Variants in CACNB4 observed in about 807,000 individuals in gnomAD.
CACNB4 encodes the protein voltage-dependent L-type calcium channel subunit beta-4.
Under a neutral mutation model 71.2 loss-of-function variants are expected in CACNB4, and 32 were observed. The observed-to-expected ratio is 0.45, with a 90% CI of 0.34 to 0.60. The LOEUF (loss-of-function observed/expected upper bound fraction) is 0.60, where lower values mean the gene tolerates loss of function less well. Among genes scored for constraint, CACNB4 ranks in the 20% least tolerant of loss-of-function variants. The pLI is 0.01. For missense variants in CACNB4, 464 were observed against 647.9 expected (o/e 0.72, Z 3.08); for synonymous variants, 231 against 236.9 (o/e 0.97, Z 0.23).
At chr2:151,993,503 G>A (rs1428336857) in intron 2 of CACNB4, among the ~76,000 whole-genome samples, 1 of 151,094 alleles carries the variant, frequency 6.6e-6, no homozygotes, top group African/African-American at 2.4e-5. Context: ...TAAGGAACCA[G>A]AAAAACAGGA....
chr2:151,933,159 G>T (rs1242498352), intron 2 of CACNB4, among the ~76,000 whole-genome samples: 2 of 147,402 alleles, frequency 1.4e-5, no homozygotes, highest in Non-Finnish European at 3.0e-5. Context: ...AGTAATTGTG[G>T]TTTTTGCCAT....
chr2:151,839,648 C>T (rs2099835659), intron 13 of CACNB4, among the ~76,000 whole-genome samples: 1 of 152,120 alleles, frequency 6.6e-6, no homozygotes, highest in Admixed American at 6.5e-5. Flanking sequence ...GAATTGAAAG[C>T]TAACTGTTAA....
intron 2 of CACNB4, among the ~76,000 whole-genome samples, chr2:151,923,539 A>G (rs1244957454): frequency 6.6e-6 from 1 of 152,228 alleles, no homozygotes; most frequent in Non-Finnish European, 1.5e-5. Context: ...AGGGAGCTGG[A>G]GGAAGCCTGG....
intron 2 of CACNB4, among the ~76,000 whole-genome samples, chr2:152,069,199 G>A (rs1350968136): frequency 1.3e-5 from 2 of 152,018 alleles, no homozygotes; most frequent in African/African-American, 4.8e-5. Context: ...ATCACTAATT[G>A]CTCCCAGCAC....
At chr2:151,987,800 C>T (rs1475419541) in intron 2 of CACNB4, among the ~76,000 whole-genome samples, 1 of 152,162 alleles carries the variant, frequency 6.6e-6, no homozygotes, top group Non-Finnish European at 1.5e-5. Flanking sequence ...ATCACAGTTT[C>T]GATGCGACCC....
chr2:151,870,405 T>C (rs2099844319), intron 8 of CACNB4, 126 bp downstream of exon 8: 8 of 774,468 alleles, frequency 1.0e-5, no homozygotes, highest in African/African-American at 1.7e-5. Flanking sequence ...ACCCCCTGCC[T>C]TCCCATGCTG....
At chr2:151,863,399 G>A (rs1328858301) in intron 9 of CACNB4, among the ~76,000 whole-genome samples, 1 of 152,092 alleles carries the variant, frequency 6.6e-6, no homozygotes, top group African/African-American at 2.4e-5. Flanking sequence ...TGGGTTTCTG[G>A]TTTATTTAAG....
intron 2 of CACNB4, among the ~76,000 whole-genome samples, chr2:151,989,269 A>C (rs1355364723): frequency 6.6e-6 from 1 of 152,174 alleles, no homozygotes; most frequent in Non-Finnish European, 1.5e-5. Flanking sequence ...TCCAGCTATC[A>C]ACTTACTTCT....
intron 12 of CACNB4, among the ~76,000 whole-genome samples, chr2:151,846,808 G>A (rs1421605822): frequency 6.6e-6 from 1 of 152,054 alleles, no homozygotes; most frequent in Non-Finnish European, 1.5e-5. Context: ...ACCTGCCTCA[G>A]CCTCCCAAAG....
At chr2:151,869,763 G>A (rs1362624090) in intron 8 of CACNB4, 1 of 172,624 alleles carries the variant, frequency 5.8e-6, no homozygotes, top group African/African-American at 2.4e-5. Flanking sequence ...GAAAGAGAGG[G>A]GGATAGAGCC....
chr2:152,045,542 T>A (rs577626868), intron 2 of CACNB4, among the ~76,000 whole-genome samples: 1 of 152,178 alleles, frequency 6.6e-6, no homozygotes, highest in Non-Finnish European at 1.5e-5. Context: ...ATTCTGCATC[T>A]AATGTACTTA....
At chr2:152,067,282 T>C (rs1157877432) in intron 2 of CACNB4, among the ~76,000 whole-genome samples, 1 of 152,142 alleles carries the variant, frequency 6.6e-6, no homozygotes, top group Admixed American at 6.5e-5. Context: ...CTGAGATATA[T>C]TTTATATGGC....
At chr2:152,017,844 T>A (rs1683431361) in intron 2 of CACNB4, among the ~76,000 whole-genome samples, 1 of 147,790 alleles carries the variant, frequency 6.8e-6, no homozygotes, top group Non-Finnish European at 1.5e-5. Flanking sequence ...AATTCTTTTC[T>A]TTTTTTTTTA....
At chr2:152,020,471 C>T (rs958769829) in intron 2 of CACNB4, among the ~76,000 whole-genome samples, 3 of 151,984 alleles carry the variant, frequency 2.0e-5, no homozygotes, top group Admixed American at 6.6e-5. Flanking sequence ...GTGAATTGGA[C>T]GTGAGGAAAT....
chr2:152,045,482 G>T (rs1685099494), intron 2 of CACNB4, among the ~76,000 whole-genome samples: 1 of 152,184 alleles, frequency 6.6e-6, no homozygotes, highest in African/African-American at 2.4e-5. Context: ...CAAATTTATG[G>T]AGACAGAAAG....
intron 10 of CACNB4, chr2:151,858,328 T>A (rs751153659): frequency 6.6e-5 from 10 of 152,230 alleles, no homozygotes; most frequent in Non-Finnish European, 1.3e-4. Context: ...ATTTCTCCCA[T>A]GCTTAAAACA....
intron 2 of CACNB4, chr2:151,883,823 C>T: frequency 4.4e-6 from 1 of 225,084 alleles, no homozygotes; most frequent in South Asian, 6.1e-5. Flanking sequence ...AAAGCATCAT[C>T]TTACATTAGT....
At chr2:151,982,355 C>T (rs970454468) in intron 2 of CACNB4, among the ~76,000 whole-genome samples, 14 of 152,066 alleles carry the variant, frequency 9.2e-5, no homozygotes, top group African/African-American at 2.9e-4. Context: ...GACTGCCAGC[C>T]GGGCACAGTG....
intron 2 of CACNB4, among the ~76,000 whole-genome samples, chr2:151,942,385 G>A (rs113055027): frequency 0.041 from 6,044 of 149,022 alleles, 1,183 homozygotes; most frequent in African/African-American, 0.15. Flanking sequence ...TGTTGTCTTC[G>A]TAAGCTGAGG....
Sources: allele counts gnomAD v4.1 joint callset (sites outside exome capture counted in the v4.1 genomes callset), GRCh38; gene constraint gnomAD v4.1.1; transcripts MANE v1.5; gene names NCBI Gene and HGNC (gene_info 2026-07-23, HGNC 2026-07-21).